Variants in ROBO2 observed in about 807,000 individuals in gnomAD.
ROBO2 encodes the protein roundabout homolog 2.
ROBO2 carries 53 observed loss-of-function variants against 160.8 expected under a neutral mutation model. That is an observed-to-expected ratio of 0.33 (90% CI 0.26 to 0.41). The LOEUF (loss-of-function observed/expected upper bound fraction) is 0.41, where lower values mean the gene tolerates loss of function less well. ROBO2 is among the 10% of genes least tolerant of loss of function. The pLI is 1.00. For synonymous variants in ROBO2, 664 were observed against 611.7 expected, an observed-to-expected ratio of 1.09 and a Z score of -1.26; for missense variants, 1,577 against 1,722.4, an observed-to-expected ratio of 0.92 and a Z score of 1.49.
intron 2 of ROBO2, among the ~76,000 whole-genome samples, chr3:76,092,160 G>A (rs911503920): frequency 1.3e-5 from 2 of 152,074 alleles, no homozygotes; most frequent in African/African-American, 2.4e-5. Context: ...GTGGGACGTT[G>A]CGCATGTGTG....
intron 5 of ROBO2, among the ~76,000 whole-genome samples, chr3:77,505,010 C>T (rs1315915899): frequency 1.1e-4 from 16 of 152,244 alleles, no homozygotes; most frequent in Non-Finnish European, 4.4e-5. Flanking sequence ...ATTAGTGATT[C>T]GGTTTGCCTG....
At chr3:77,103,416 T>C (rs974454358) in intron 2 of ROBO2, among the ~76,000 whole-genome samples, 8 of 151,408 alleles carry the variant, frequency 5.3e-5, no homozygotes, top group African/African-American at 1.9e-4. Flanking sequence ...TCTTTTTTTT[T>C]TTTTCTTTTT....
At chr3:77,198,190 G>T (rs1035554633) in intron 2 of ROBO2, among the ~76,000 whole-genome samples, 2 of 152,110 alleles carry the variant, frequency 1.3e-5, no homozygotes, top group African/African-American at 4.8e-5. Flanking sequence ...TGATCTCCTT[G>T]TTACTTACAT....
At chr3:76,052,725 T>C in intron 2 of ROBO2, among the ~76,000 whole-genome samples, 1 of 152,038 alleles carries the variant, frequency 6.6e-6, no homozygotes, top group East Asian at 1.9e-4. Flanking sequence ...TGGTTCCAAA[T>C]TGAAATTTTC....
intron 2 of ROBO2, among the ~76,000 whole-genome samples, chr3:76,218,714 A>G (rs1456110143): frequency 6.6e-6 from 1 of 152,204 alleles, no homozygotes; most frequent in East Asian, 1.9e-4. Context: ...GGAAGACTCA[A>G]TATCGTGAAA....
chr3:77,513,910 G>A (rs958463966), intron 5 of ROBO2, among the ~76,000 whole-genome samples: 5 of 151,520 alleles, frequency 3.3e-5, no homozygotes, highest in Admixed American at 2.0e-4. Context: ...GGGGACTGTC[G>A]GCACACGATT....
At chr3:77,093,967 A>G (rs973542386) in intron 1 of ROBO2, among the ~76,000 whole-genome samples, 1 of 152,182 alleles carries the variant, frequency 6.6e-6, no homozygotes, top group Non-Finnish European at 1.5e-5. Flanking sequence ...TATCTATCAA[A>G]TTTTTAAAAA....
chr3:76,874,722 C>A (rs1193367453), intron 2 of ROBO2, among the ~76,000 whole-genome samples: 1 of 152,066 alleles, frequency 6.6e-6, no homozygotes, highest in Non-Finnish European at 1.5e-5. Context: ...TTTAAAGGGG[C>A]ATGGAATGAG....
At chr3:76,064,357 A>C (rs2068173832) in intron 2 of ROBO2, among the ~76,000 whole-genome samples, 1 of 152,130 alleles carries the variant, frequency 6.6e-6, no homozygotes, top group South Asian at 2.1e-4. Flanking sequence ...TCGGCTGCAA[A>C]TCCTCTGGCC....
At chr3:77,535,179 T>C (rs765368101) in intron 6 of ROBO2, among the ~76,000 whole-genome samples, 18 of 152,086 alleles carry the variant, frequency 1.2e-4, no homozygotes, top group Admixed American at 2.6e-4. Flanking sequence ...GTACATTTGT[T>C]CCTTGGTTTC....
At chr3:75,992,172 T>A (rs1007703334) in intron 2 of ROBO2, among the ~76,000 whole-genome samples, 1 of 152,164 alleles carries the variant, frequency 6.6e-6, no homozygotes, top group African/African-American at 2.4e-5. Context: ...AGGAGCTGAA[T>A]GTTAATCACC....
At position 76,893,563 on chromosome 3, in the gene ROBO2, A is replaced by T; in HGVS notation, c.110-204451A>T. 2.0e-5 allele frequency among the ~76,000 whole-genome samples: 3 copies of T among 152,082 alleles called. No individual in the cohort carries two copies. The Middle Eastern group carries it at 0.01, about 517-fold the overall frequency. On this transcript the variant is annotated intron_variant, in intron 2 of 26. Transcript: ENST00000487694. ...TTGATGTATAACATATTACATATAT[A>T]TGGGTTATATGCAATATTTTGTTAC...
At chr3:76,463,013 C>T (rs2078169962) in intron 2 of ROBO2, among the ~76,000 whole-genome samples, 1 of 150,280 alleles carries the variant, frequency 6.7e-6, no homozygotes, top group African/African-American at 2.5e-5. Context: ...CTCACTTTGC[C>T]CATCACCGCA....
intron 2 of ROBO2, among the ~76,000 whole-genome samples, chr3:76,568,872 G>T (rs2084776761): frequency 6.6e-6 from 1 of 151,996 alleles, no homozygotes; most frequent in Non-Finnish European, 1.5e-5. Context: ...TCTACTAAAT[G>T]ATGTAAATAT....
At chr3:76,819,867 T>A (rs1040387545) in intron 2 of ROBO2, among the ~76,000 whole-genome samples, 2 of 152,118 alleles carry the variant, frequency 1.3e-5, no homozygotes, top group Admixed American at 1.3e-4. Context: ...TTGGGACCTG[T>A]GTCGTGTGAG....
At chr3:77,047,843 A>T (rs183084639) in intron 1 of ROBO2, among the ~76,000 whole-genome samples, 1 of 151,714 alleles carries the variant, frequency 6.6e-6, no homozygotes, top group African/African-American at 2.4e-5. Flanking sequence ...GGAGGTCGAG[A>T]CTATCCTGGC....
intron 2 of ROBO2, among the ~76,000 whole-genome samples, chr3:76,632,026 A>C (rs534423593): frequency 1.6e-4 from 24 of 152,340 alleles, no homozygotes; most frequent in African/African-American, 5.5e-4. Flanking sequence ...TTCATGTATT[A>C]ATTCATTCAT....
chr3:77,473,620 A>AT (rs887135502), intron 2 of ROBO2, among the ~76,000 whole-genome samples: 31 of 151,124 alleles, frequency 2.1e-4, no homozygotes, highest in Middle Eastern at 3.4e-3. Flanking sequence ...CGCCAGGCTA[A>AT]TTTTTTTTGG....
In ROBO2 at chr3:77,421,210, C is replaced by T. The variant is rs564976128; in HGVS notation, c.389-56204C>T. On this transcript the variant is annotated intron_variant, in intron 2 of 25. Coordinates refer to ENST00000461745, the Ensembl canonical transcript of ROBO2. ...ACATTAGATGTGTCTGGAAATGTCA[C>T]AGGACATTTGTTTTCCTGAATAAAT... Among the ~76,000 whole-genome samples the T allele has an allele frequency of 7.9e-5, 12 of 152,268 alleles. No individual in the cohort carries two copies. In the South Asian group the frequency reaches 2.5e-3, roughly 32 times the overall value.
Sources: allele counts gnomAD v4.1 joint callset (sites outside exome capture counted in the v4.1 genomes callset), GRCh38; gene constraint gnomAD v4.1.1; transcripts MANE v1.5; gene names NCBI Gene and HGNC (gene_info 2026-07-23, HGNC 2026-07-21).